Variants in ZSCAN20 observed in about 807,000 individuals in gnomAD.
ZSCAN20 encodes zinc finger and SCAN domain containing 20.
A neutral mutation model predicts 97.1 loss-of-function variants in ZSCAN20; 39 were observed. That is an observed-to-expected ratio of 0.40 (90% confidence interval 0.31 to 0.52). The LOEUF is 0.52. Among genes scored for constraint, ZSCAN20 ranks in the 20% least tolerant of loss-of-function variants. The pLI is 0.49. For synonymous variants in ZSCAN20, 456 were observed against 467.3 expected, an observed-to-expected ratio of 0.98 and a Z score of 0.31; for missense variants, 1,115 against 1,290.4, an observed-to-expected ratio of 0.86 and a Z score of 2.08.
chr1:33,489,484 G>A lies in ZSCAN20; in HGVS notation c.682-34G>A, dbSNP rs375139262. On this transcript the variant is annotated intron_variant, in intron 4 of 7. Transcript: ENST00000684572. Reference sequence around the variant, plus strand: ...TCCTAGGCTGTTGTCAAAGGTCAGTGATGTTTGGGGTCCTTGTCTTGTGCA... The same window carrying A: ...TCCTAGGCTGTTGTCAAAGGTCAGTAATGTTTGGGGTCCTTGTCTTGTGCA... 2.5e-4 allele frequency: 401 copies of A among 1,609,026 alleles called. 7 individuals carry two copies. In the South Asian group the frequency reaches 4.1e-3, roughly 16 times the overall value.
chr1:33,494,772 C>G lies in ZSCAN20; in HGVS notation c.2428C>G (p.Leu810Val). 6.2e-7 allele frequency: 1 copy of G among 1,614,062 alleles called. No individual in the cohort carries two copies. The part of the protein sequence containing the change: ...WKSFNQSSNL[L>V]KHQRIHLGGN... ...AAGCTTCAACCAGAGCTCAAACCTT[C>G]TGAAACATCAGAGAATCCACTTGGG... The change falls in exon 8 of 8, where the codon CTG (leucine) becomes GTG (valine). Residue 810 changes from leucine (L) to valine (V), a missense_variant. Transcript: ENST00000684572.
At chr1:33,479,732 A>G (rs755981245) in intron 2 of ZSCAN20, 27 bp downstream of exon 2, 7 of 1,478,612 alleles carry the variant, frequency 4.7e-6, no homozygotes, top group Non-Finnish European at 6.3e-6. Flanking sequence ...TCTCCTGCAG[A>G]GGAGTGGGTC....
intron 2 of ZSCAN20, among the ~76,000 whole-genome samples, chr1:33,482,036 CATCATT>C (rs1219099710): frequency 1.3e-5 from 2 of 152,178 alleles, no homozygotes; most frequent in Non-Finnish European, 2.9e-5. Context: ...TACAGTGATA[CATCATT>C]ATCATCACTC....
chr1:33,481,896 G>A (rs761644629), intron 2 of ZSCAN20, among the ~76,000 whole-genome samples: 2 of 152,100 alleles, frequency 1.3e-5, no homozygotes, highest in Non-Finnish European at 2.9e-5. Context: ...ATTTTTTAGA[G>A]CAATTTTAGG....
chr1:33,492,567 G>C (rs1652662854), intron 6 of ZSCAN20: 1 of 152,150 alleles, frequency 6.6e-6, no homozygotes, highest in Non-Finnish European at 1.5e-5. Flanking sequence ...GAGGTCAGGA[G>C]ATCAAGACTA....
In ZSCAN20 at chr1:33,479,339, T is replaced by C; in HGVS notation, c.51T>C (p.Pro17=). The part of the protein sequence containing the change: ...LQAQASPQPE[P]EELLIVKLEE... ...CCCAGGCATCTCCGCAGCCAGAGCC[T>C]GAAGAACTCCTGATTGTGAAACTGG... The change falls in exon 2 of 8, where the codon CCT becomes CCC. Residue 17 remains proline, a synonymous_variant. Coordinates refer to ENST00000684572, the MANE Select transcript of ZSCAN20 (RefSeq NM_001377376.1). 1 of 1,614,040 alleles carries C rather than the reference T, an allele frequency of 6.2e-7. No individual in the cohort carries two copies. Among genetic ancestry groups the C allele is most frequent in the Non-Finnish European group, 8.5e-7 (1 of 1,179,920 alleles).
At position 33,496,652 on chromosome 1, in the gene ZSCAN20, C is replaced by A. The variant is rs938546384; in HGVS notation, c.*1176C>A. ...TTAACCCTAACAGAAGCCTGGGGTC[C>A]CTACATTTTTGTCTGTCTGGCTTTT... On this transcript the variant is annotated 3_prime_UTR_variant, in exon 8 of 8. Coordinates refer to ENST00000684572, the MANE Select transcript of ZSCAN20 (RefSeq NM_001377376.1). The A allele has an allele frequency of 6.6e-6, 1 of 152,146 alleles. No individual in the cohort carries two copies. The highest frequency in any genetic ancestry group is 2.4e-5 in the African/African-American group (1 of 41,422). 9.4% of individuals were successfully genotyped at this position (152,146 alleles called of 1,614,324 possible).
chr1:33,497,512 A>C lies in ZSCAN20; in HGVS notation c.*2036A>C, dbSNP rs2148484897. On this transcript the variant is annotated 3_prime_UTR_variant, in exon 8 of 8. Transcript: ENST00000684572. ...GTTGGGAACAGGGAGCTGATATTAG[A>C]GGAGTGCTGGAGCAAGGTCACTGAG... is the stretch of plus-strand genomic sequence containing the variant. 6.6e-6 allele frequency among the ~76,000 whole-genome samples: 1 copy of C among 152,274 alleles called. No homozygotes were observed. Among genetic ancestry groups the C allele is most frequent in the South Asian group, 2.1e-4 (1 of 4,818 alleles).
rs768507306 is a variant in ZSCAN20 at position 33,493,144 on chromosome 1, A to G, written c.1445-43A>G. 1.4e-5 allele frequency: 22 copies of G among 1,590,448 alleles called. No homozygotes were observed. The Admixed American group carries it at 3.7e-4, about 27-fold the overall frequency. Reference sequence around the variant, plus strand: ...CTTTATTCTCTGATGACCTAGGCACATCTCATTAAGTCTCACAGTTCTCAA... The same window carrying G: ...CTTTATTCTCTGATGACCTAGGCACGTCTCATTAAGTCTCACAGTTCTCAA... On this transcript the variant is annotated intron_variant, in intron 6 of 7. Coordinates refer to ENST00000684572, the MANE Select transcript of ZSCAN20 (RefSeq NM_001377376.1). This position sits in a 1 kb window ranked among gnomAD's most constrained non-coding sequence, Gnocchi z 4.3.
chr1:33,493,155 T>G lies in ZSCAN20; in HGVS notation c.1445-32T>G. 6.2e-7 allele frequency: 1 copy of G among 1,601,942 alleles called. No individual in the cohort carries two copies. Among genetic ancestry groups the G allele is most frequent in the Non-Finnish European group, 8.5e-7 (1 of 1,170,914 alleles). The stretch of plus-strand genomic sequence containing the variant: ...GATGACCTAGGCACATCTCATTAAG[T>G]CTCACAGTTCTCAACTCTTCACTCC... On this transcript the variant is annotated intron_variant, in intron 6 of 7. Transcript: ENST00000684572. The surrounding 1 kb of genome is among the most constrained non-coding windows in gnomAD (Gnocchi z 4.3).
chr1:33,485,384 G>A (rs1652321633), intron 2 of ZSCAN20, among the ~76,000 whole-genome samples: 1 of 151,964 alleles, frequency 6.6e-6, no homozygotes, highest in Admixed American at 6.6e-5. Flanking sequence ...TTTCATTTCT[G>A]ATATTAATAA....
At chr1:33,489,319 G>T in intron 4 of ZSCAN20, 128 bp downstream of exon 4, 1 of 1,116,704 alleles carries the variant, frequency 9.0e-7, no homozygotes, top group East Asian at 2.6e-5. Flanking sequence ...GTTAGCCTTT[G>T]CCCTTCACCC....
At position 33,497,250 on chromosome 1, in the gene ZSCAN20, C is replaced by T. The variant is rs112056183; in HGVS notation, c.*1774C>T. On this transcript the variant is annotated 3_prime_UTR_variant, in exon 8 of 8. Coordinates refer to ENST00000684572, the MANE Select transcript of ZSCAN20 (RefSeq NM_001377376.1). The stretch of plus-strand genomic sequence containing the variant: ...CAAGAACCAGCCCCACTAGGATCAC[C>T]GTCAACTCCCTCCCAGTTTACCTTT... 2.6e-5 allele frequency among the ~76,000 whole-genome samples: 4 copies of T among 152,310 alleles called. No homozygotes were observed. The highest frequency in any genetic ancestry group is 2.1e-4 in the South Asian group (1 of 4,826).
At chr1:33,475,079 C>T (rs1334290280) in intron 1 of ZSCAN20, among the ~76,000 whole-genome samples, 1 of 152,204 alleles carries the variant, frequency 6.6e-6, no homozygotes, top group African/African-American at 2.4e-5. Flanking sequence ...AGTCTGCTCA[C>T]TCCTGCCTTA....
chr1:33,487,889 T>G (rs1652432838), intron 2 of ZSCAN20, among the ~76,000 whole-genome samples: 1 of 152,140 alleles, frequency 6.6e-6, no homozygotes, highest in Non-Finnish European at 1.5e-5. Context: ...TGGCATCAAG[T>G]GATTCCCTTG....
chr1:33,489,454 A>C (rs2148467817), intron 4 of ZSCAN20, 64 bp from the exon 5 acceptor site: 2 of 1,521,688 alleles, frequency 1.3e-6, no homozygotes, highest in Non-Finnish European at 1.8e-6. Context: ...GGAGCCTGCT[A>C]GGGTTCCTAG....
At position 33,488,607 on chromosome 1, in the gene ZSCAN20, A is replaced by G. The variant is rs778070657; in HGVS notation, c.560A>G (p.Asn187Ser). 4 of 1,613,276 alleles carry G rather than the reference A, an allele frequency of 2.5e-6. No individual in the cohort carries two copies. Among genetic ancestry groups the G allele is most frequent in the Admixed American group, 3.3e-5 (2 of 59,786 alleles). The change falls in exon 3 of 8, where the codon AAT becomes AGT. Residue 187 changes from asparagine (N) to serine (S), a missense_variant. Physicochemically the swap from Asn to Ser is conservative, Grantham distance 46. Around this residue, in one of 3 missense-constraint regions of ZSCAN20, gnomAD observed 508 missense variants for 611.2 expected, o/e 0.83. Transcript: ENST00000684572. ...AAGAATACATGCCCTGACCTTCCCA[A>G]TCACCTAAATGCCGAGGTGGCACCA... is the stretch of plus-strand genomic sequence containing the variant. ...GVKNTCPDLP[N>S]HLNAEVAPQP...
At chr1:33,477,096 T>G (rs10914732) in intron 1 of ZSCAN20, among the ~76,000 whole-genome samples, 1 of 151,898 alleles carries the variant, frequency 6.6e-6, no homozygotes, top group South Asian at 2.1e-4. Flanking sequence ...TATGTACCAA[T>G]TGCTTTGGTG....
Position 33,493,689 on chromosome 1 carries a change from C to T in ZSCAN20, c.1873+74C>T, listed in dbSNP as rs1652720903. On this transcript the variant is annotated intron_variant, in intron 7 of 7. Transcript: ENST00000684572. This position sits in a 1 kb window ranked among gnomAD's most constrained non-coding sequence, Gnocchi z 4.3. Reference sequence around the variant, plus strand: ...AGAATGAGGAAGCCAGGCTCATTATCTTTTGTCTCTTAACTAAAAGAGAGA... The same window carrying T: ...AGAATGAGGAAGCCAGGCTCATTATTTTTTGTCTCTTAACTAAAAGAGAGA... 1.4e-6 allele frequency: 2 copies of T among 1,431,970 alleles called. No homozygotes were observed. The highest frequency in any genetic ancestry group is 2.8e-5 in the African/African-American group (2 of 70,276). The allele number at this position is 1,431,970 out of a possible 1,614,324, so 88.7% of individuals were successfully genotyped here. A position where few individuals can be genotyped will look rare whatever the true frequency, so the allele number is the denominator to read the frequency against.
Sources: allele counts gnomAD v4.1 joint callset (sites outside exome capture counted in the v4.1 genomes callset), GRCh38; gene constraint gnomAD v4.1.1; regional missense constraint gnomAD v4.1.1; non-coding constraint Gnocchi (gnomAD v3.1); transcripts MANE v1.5; gene names NCBI Gene and HGNC (gene_info 2026-07-23, HGNC 2026-07-21).